Variants in PPFIA1 observed in about 807,000 individuals in gnomAD.
PPFIA1 encodes liprin-alpha-1.
PPFIA1 carries 25 observed loss-of-function variants against 149.9 expected under a neutral mutation model. That is an observed-to-expected ratio of 0.17 (90% confidence interval 0.12 to 0.23). The LOEUF is 0.23. PPFIA1 is among the 10% of genes least tolerant of loss of function. PPFIA1 has a pLI of 1.00. For synonymous variants in PPFIA1, 549 were observed against 552.8 expected (o/e 0.99, Z 0.10); for missense variants, 1,362 against 1,506.5 (o/e 0.90, Z 1.59).
chr11:70,322,757 G>A (rs969775689), intron 2 of PPFIA1, among the ~76,000 whole-genome samples: 2 of 152,138 alleles, frequency 1.3e-5, no homozygotes, highest in Non-Finnish European at 2.9e-5. Context: ...AATATACTAA[G>A]ATAAAACTTG....
intron 16 of PPFIA1, 98 bp from the exon 17 acceptor site, chr11:70,354,203 C>T (rs2056231793): frequency 2.3e-6 from 3 of 1,292,170 alleles, no homozygotes; most frequent in Non-Finnish European, 3.2e-6. Context: ...GCAGAAAGCA[C>T]AGCAAATCGA....
At chr11:70,291,523 C>T (rs1191572730) in intron 2 of PPFIA1, among the ~76,000 whole-genome samples, 1 of 152,172 alleles carries the variant, frequency 6.6e-6, no homozygotes, top group African/African-American at 2.4e-5. Flanking sequence ...GATGCTGAGG[C>T]GTTCACACTG....
At position 70,369,249 on chromosome 11, in the gene PPFIA1, G is replaced by GT. The variant is rs1240885509; in HGVS notation, c.2866-2958dup. On this transcript the variant is annotated intron_variant, in intron 21 of 27. Transcript: ENST00000253925. ...TTTCTGCATCTTTTGAGATGATATG[G>GT]TTTTTTTTCAATCTCTTCATATGGT... is the stretch of plus-strand genomic sequence containing the variant. Among the ~76,000 whole-genome samples the GT allele has an allele frequency of 3.3e-5, 5 of 151,526 alleles. No homozygotes were observed. In the South Asian group the frequency reaches 1.0e-3, roughly 32 times the overall value.
intron 2 of PPFIA1, among the ~76,000 whole-genome samples, chr11:70,273,931 G>A (rs998694656): frequency 6.6e-6 from 1 of 152,146 alleles, no homozygotes; most frequent in Non-Finnish European, 1.5e-5. Context: ...GACATGTCAG[G>A]GAAGTGACAG....
At chr11:70,329,230 C>G (rs1038128323) in intron 7 of PPFIA1, among the ~76,000 whole-genome samples, 3 of 152,062 alleles carry the variant, frequency 2.0e-5, no homozygotes, top group African/African-American at 7.2e-5. Context: ...ACACTTTCAC[C>G]TCCTTGAAAA....
intron 19 of PPFIA1, among the ~76,000 whole-genome samples, chr11:70,361,102 G>A (rs1040372199): frequency 6.6e-6 from 1 of 152,212 alleles, no homozygotes; most frequent in African/African-American, 2.4e-5. Context: ...GAGAGTCAGA[G>A]GGAGTCATTC....
intron 26 of PPFIA1, among the ~76,000 whole-genome samples, chr11:70,379,651 G>GT (rs2057629968): frequency 6.6e-6 from 1 of 151,828 alleles, no homozygotes; most frequent in East Asian, 1.9e-4. Flanking sequence ...TGCGAATGGG[G>GT]TTTTTGCCAA....
chr11:70,329,737 G>A (rs1012348206), intron 7 of PPFIA1, among the ~76,000 whole-genome samples: 3 of 152,184 alleles, frequency 2.0e-5, no homozygotes, highest in Admixed American at 2.0e-4. Context: ...AGACCAGCCT[G>A]GGCGATATAG....
At chr11:70,355,085 A>G (rs540481079) in intron 17 of PPFIA1, among the ~76,000 whole-genome samples, 2 of 152,132 alleles carry the variant, frequency 1.3e-5, no homozygotes, top group East Asian at 3.9e-4. Flanking sequence ...TTGTATTTTT[A>G]GTAAAGATGG....
intron 25 of PPFIA1, among the ~76,000 whole-genome samples, chr11:70,377,790 C>T (rs1490944118): frequency 6.6e-6 from 1 of 152,186 alleles, no homozygotes; most frequent in Non-Finnish European, 1.5e-5. Flanking sequence ...GGAGCACATC[C>T]TCATGGCCCA....
Position 70,272,368 on chromosome 11 carries a change from G to C in PPFIA1, c.196G>C (p.Gly66Arg). 1 of 1,614,178 alleles carries C rather than the reference G, an allele frequency of 6.2e-7. No homozygotes were observed. The highest frequency in any genetic ancestry group is 8.5e-7 in the Non-Finnish European group (1 of 1,180,036). The change falls in exon 2 of 28, where the codon GGG becomes CGG. Residue 66 changes from glycine to arginine, a missense_variant. This residue lies in a region of PPFIA1 where 100 missense variants were observed against 106.2 expected (regional missense o/e 0.94). Transcript: ENST00000253925. ...ETQETLALTQ[G>R]KLHEVGHERD... is the part of the protein sequence containing the mutation. ...TCAAGAAACGCTGGCCTTAACCCAG[G>C]GGAAGTTACACGAGGTTGGTCATGA...
intron 2 of PPFIA1, among the ~76,000 whole-genome samples, chr11:70,273,222 AGCCAAGATTGCACCACT>A (rs2050197153): frequency 6.6e-6 from 1 of 152,120 alleles, no homozygotes; most frequent in South Asian, 2.1e-4. Flanking sequence ...GGTTGCAGTG[AGCCAAGATTGCACCACT>A]GCTCTCCAGC....
intron 10 of PPFIA1, chr11:70,334,244 A>G (rs1039922818): frequency 4.6e-5 from 7 of 152,316 alleles, no homozygotes; most frequent in African/African-American, 1.7e-4. Context: ...ATTTCTCTTT[A>G]ACAAGTAGGT....
chr11:70,304,495 A>G (rs2052710273), intron 2 of PPFIA1, among the ~76,000 whole-genome samples: 1 of 152,176 alleles, frequency 6.6e-6, no homozygotes, highest in Admixed American at 6.5e-5. Context: ...TACATGGGTA[A>G]ATGTAAGTAA....
intron 2 of PPFIA1, among the ~76,000 whole-genome samples, chr11:70,277,038 A>ATG (rs1491300349): frequency 5.4e-5 from 3 of 55,178 alleles, no homozygotes; most frequent in Non-Finnish European, 8.8e-5. Context: ...TTTGATTGAG[A>ATG]TATATATATA....
At chr11:70,354,737 A>G (rs2056261987) in intron 17 of PPFIA1, among the ~76,000 whole-genome samples, 1 of 151,892 alleles carries the variant, frequency 6.6e-6, no homozygotes, top group Admixed American at 6.6e-5. Context: ...GAGTCTATAA[A>G]TTGACTACTT....
At chr11:70,325,129 T>A in intron 4 of PPFIA1, 118 bp downstream of exon 4, 1 of 1,013,122 alleles carries the variant, frequency 9.9e-7, no homozygotes, top group Non-Finnish European at 1.4e-6. Context: ...ATAACTTCTC[T>A]AAGAAGACAG....
chr11:70,370,619 C>A lies in PPFIA1; in HGVS notation c.2866-1596C>A, dbSNP rs532996337. Among the ~76,000 whole-genome samples the A allele has an allele frequency of 5.0e-4, 76 of 152,104 alleles. 1 individual carries two copies. Among genetic ancestry groups the A allele is most frequent in the African/African-American group, 1.7e-3 (72 of 41,502 alleles). ...CGAGGCTGGTGTCGGAACTCCTGAC[C>A]AAAGGTGATCCGCCTGCCTCGGCCT... On this transcript the variant is annotated intron_variant, in intron 21 of 27. Transcript: ENST00000253925.
intron 2 of PPFIA1, among the ~76,000 whole-genome samples, chr11:70,299,753 G>A (rs1201702506): frequency 6.6e-6 from 1 of 152,086 alleles, no homozygotes; most frequent in Non-Finnish European, 1.5e-5. Context: ...TCTGTCAGGG[G>A]TTTCTTTCCT....
Sources: allele counts gnomAD v4.1 joint callset (sites outside exome capture counted in the v4.1 genomes callset), GRCh38; gene constraint gnomAD v4.1.1; regional missense constraint gnomAD v4.1.1; transcripts MANE v1.5; gene names NCBI Gene and HGNC (gene_info 2026-07-23, HGNC 2026-07-21).